Variants in SGCG observed in about 807,000 individuals in gnomAD.
The protein encoded by SGCG is sarcoglycan gamma.
Under a neutral mutation model 29.3 loss-of-function variants are expected in SGCG, and 26 were observed. That is an observed-to-expected ratio of 0.89 (90% CI 0.65 to 1.23). The LOEUF is 1.23. Ranked by LOEUF, SGCG falls within the 50% of genes most tolerant of loss-of-function variation. The pLI, the probability that SGCG is intolerant of heterozygous loss-of-function variation, is 0.00. For missense variants in SGCG, 353 were observed against 356.0 expected, an observed-to-expected ratio of 0.99 and a Z score of 0.07; for synonymous variants, 145 against 129.7, an observed-to-expected ratio of 1.12 and a Z score of -0.80.
intron 7 of SGCG, among the ~76,000 whole-genome samples, chr13:23,323,678 T>C (rs1883131865): frequency 6.6e-6 from 1 of 152,254 alleles, no homozygotes; most frequent in Admixed American, 6.5e-5. Context: ...GTAGTTTTCA[T>C]TTCATTTTAA....
At chr13:23,215,425 A>C (rs934819312) in intron 2 of SGCG, among the ~76,000 whole-genome samples, 2 of 152,190 alleles carry the variant, frequency 1.3e-5, no homozygotes, top group Non-Finnish European at 2.9e-5. Flanking sequence ...AGATACTGTA[A>C]AAATAGTGAA....
At chr13:23,188,502 T>TGGG (rs1555233345) in intron 1 of SGCG, among the ~76,000 whole-genome samples, 38,071 of 140,832 alleles carry the variant, frequency 0.27, 6,455 homozygotes, top group Admixed American at 0.39. Context: ...TTTTTTTTTT[T>TGGG]GGGACAGGTA....
At chr13:23,257,395 T>C (rs1417619626) in intron 4 of SGCG, among the ~76,000 whole-genome samples, 2 of 152,124 alleles carry the variant, frequency 1.3e-5, no homozygotes, top group Non-Finnish European at 2.9e-5. Context: ...TCTCCCCTAA[T>C]GCTATCCCTA....
intron 5 of SGCG, among the ~76,000 whole-genome samples, chr13:23,282,268 A>G (rs978125379): frequency 2.6e-5 from 4 of 152,188 alleles, no homozygotes; most frequent in African/African-American, 9.6e-5. Context: ...TTTTGTCTCT[A>G]TCCAAGGTCT....
intron 1 of SGCG, among the ~76,000 whole-genome samples, chr13:23,198,904 C>G (rs9507051): frequency 0.25 from 36,046 of 146,760 alleles, 4,701 homozygotes; most frequent in East Asian, 0.32. Context: ...GTCAGGAGAT[C>G]GAGACCATCC....
chr13:23,179,865 G>C (rs1876672941), upstream of SGCG, among the ~76,000 whole-genome samples: 1 of 152,136 alleles, frequency 6.6e-6, no homozygotes, highest in Admixed American at 6.5e-5. Flanking sequence ...TTATTGCATT[G>C]CTCCTTTTTT....
the SGCG span, among the ~76,000 whole-genome samples, chr13:23,166,569 C>T: frequency 6.6e-6 from 1 of 152,134 alleles, no homozygotes; most frequent in Non-Finnish European, 1.5e-5. Flanking sequence ...TACACTATGA[C>T]CTTATTCCTC....
At chr13:23,276,411 A>T (rs1015269774) in intron 4 of SGCG, among the ~76,000 whole-genome samples, 2 of 140,638 alleles carry the variant, frequency 1.4e-5, no homozygotes, top group South Asian at 2.3e-4. Context: ...GGAAGCATGA[A>T]CGCTTTCTTT....
chr13:23,172,735 T>C, the SGCG span, among the ~76,000 whole-genome samples: 12 of 152,348 alleles, frequency 7.9e-5, no homozygotes, highest in African/African-American at 2.9e-4. Context: ...AGACTCAGTC[T>C]CTGCCATCAA....
rs141123425 is a variant in SGCG at position 23,194,859 on chromosome 13, G to GA, written c.1-8830dup. Among the ~76,000 whole-genome samples, 948 of 152,236 alleles carry GA rather than the reference G, an allele frequency of 6.2e-3. 10 individuals carry two copies. The highest frequency in any genetic ancestry group is 0.022 in the African/African-American group (904 of 41,540). On this transcript the variant is annotated intron_variant, in intron 1 of 7. Transcript: ENST00000218867. Reference sequence around the variant, plus strand: ...GTGCCCACTATAACAGTATACAGAAGAAAAAAGTAGACATCGACTGTAATA... The same window carrying GA: ...GTGCCCACTATAACAGTATACAGAAGAAAAAAAGTAGACATCGACTGTAATA...
chr13:23,289,668 C>T (rs1881626766), intron 5 of SGCG, among the ~76,000 whole-genome samples: 1 of 152,078 alleles, frequency 6.6e-6, no homozygotes, highest in Admixed American at 6.5e-5. Context: ...CTCTATTTGT[C>T]TTATCTGTGC....
At chr13:23,224,681 C>CACACA (rs1555236925) in intron 2 of SGCG, among the ~76,000 whole-genome samples, 1 of 119,558 alleles carries the variant, frequency 8.4e-6, no homozygotes, top group Non-Finnish European at 1.9e-5. Context: ...CACACACACA[C>CACACA]CCCACACCAG....
At chr13:23,168,263 T>G in the SGCG span, among the ~76,000 whole-genome samples, 712 of 152,332 alleles carry the variant, frequency 4.7e-3, 3 homozygotes, top group African/African-American at 0.015. Flanking sequence ...TAAAATATAC[T>G]CCTAGTGATC....
At chr13:23,317,016 C>T (rs1471911436) in intron 6 of SGCG, among the ~76,000 whole-genome samples, 4 of 152,096 alleles carry the variant, frequency 2.6e-5, no homozygotes, top group Non-Finnish European at 5.9e-5. Context: ...ACCATCCTGG[C>T]TAACACAGTG....
intron 7 of SGCG, among the ~76,000 whole-genome samples, chr13:23,322,151 T>A (rs1450806997): frequency 6.6e-6 from 1 of 152,198 alleles, no homozygotes; most frequent in African/African-American, 2.4e-5. Flanking sequence ...TGTACATAGC[T>A]CTGTCTTACC....
At chr13:23,314,383 TA>T (rs1489823546) in intron 6 of SGCG, among the ~76,000 whole-genome samples, 421 of 5,492 alleles carry the variant, frequency 0.077, 20 homozygotes, top group Admixed American at 0.16. Flanking sequence ...TGCTATAGGT[TA>T]TATATATATA....
chr13:23,311,629 T>C (rs1156290545), intron 6 of SGCG, among the ~76,000 whole-genome samples: 2 of 152,332 alleles, frequency 1.3e-5, no homozygotes, highest in East Asian at 3.9e-4. Context: ...GAGGCTGACA[T>C]GTGCTACTTA....
rs770919816 is a variant in SGCG at position 23,204,691 on chromosome 13, CTCTT to C, written c.195+813_195+816del. On this transcript the variant is annotated intron_variant, in intron 2 of 7. Coordinates refer to ENST00000218867, the MANE Select transcript of SGCG (RefSeq NM_000231.3). ...TCTTTCCCTTCTTTCTCCTCTTTCT[CTCTT>C]TCTTTCTTTCCTTTTTTTTTTTTTT... Among the ~76,000 whole-genome samples, 390 of 139,780 alleles carry C rather than the reference CTCTT, an allele frequency of 2.8e-3. 1 individual carries two copies. Among genetic ancestry groups the C allele is most frequent in the Non-Finnish European group, 4.6e-3 (297 of 64,352 alleles). 91.7% of individuals were successfully genotyped at this position (139,780 alleles called of 152,430 possible).
At chr13:23,259,836 C>T (rs144382405) in intron 4 of SGCG, among the ~76,000 whole-genome samples, 6,111 of 152,250 alleles carry the variant, frequency 0.04, 145 homozygotes, top group South Asian at 0.1. Context: ...TGTTCAGTTT[C>T]CATGTAGTTG....
Sources: allele counts gnomAD v4.1 joint callset (sites outside exome capture counted in the v4.1 genomes callset), GRCh38; gene constraint gnomAD v4.1.1; transcripts MANE v1.5; gene names NCBI Gene and HGNC (gene_info 2026-07-23, HGNC 2026-07-21).